MYT1L: variants seen among roughly 807,000 people sequenced by gnomAD.
The protein encoded by MYT1L is myelin transcription factor 1-like protein.
A neutral mutation model predicts 126.7 loss-of-function variants in MYT1L; 12 were observed. That is an observed-to-expected ratio of 0.09 (90% CI 0.06 to 0.15). The LOEUF is 0.15. Among genes scored for constraint, MYT1L ranks in the 10% least tolerant of loss-of-function variants. The pLI is 1.00. For synonymous variants in MYT1L, 541 were observed against 604.2 expected, an observed-to-expected ratio of 0.90 and a Z score of 1.53; for missense variants, 979 against 1,585.2, an observed-to-expected ratio of 0.62 and a Z score of 6.49.
chr2:1,818,212 A>G (rs1278413435), intron 21 of MYT1L, among the ~76,000 whole-genome samples: 3 of 152,184 alleles, frequency 2.0e-5, no homozygotes, highest in Middle Eastern at 3.2e-3. Context: ...GGGAAGAAAA[A>G]TAAGTAATTT....
intron 2 of MYT1L, among the ~76,000 whole-genome samples, chr2:2,255,104 G>T (rs139460009): frequency 6.6e-6 from 1 of 152,172 alleles, no homozygotes; most frequent in Non-Finnish European, 1.5e-5. Context: ...TCTATGGAAA[G>T]AGATAATTTT....
At chr2:1,820,037 G>C (rs1006488417) in intron 21 of MYT1L, among the ~76,000 whole-genome samples, 1 of 152,068 alleles carries the variant, frequency 6.6e-6, no homozygotes, top group African/African-American at 2.4e-5. Context: ...GCAGTGGGGG[G>C]GGGCCAGCGA....
intron 4 of MYT1L, among the ~76,000 whole-genome samples, chr2:2,042,855 C>G (rs937240420): frequency 3.9e-5 from 6 of 152,206 alleles, no homozygotes; most frequent in African/African-American, 1.2e-4. Context: ...AGGCGATAGC[C>G]TCCCAGGCCC....
intron 8 of MYT1L, among the ~76,000 whole-genome samples, chr2:1,967,315 G>A (rs1265244488): frequency 6.6e-6 from 1 of 152,156 alleles, no homozygotes; most frequent in East Asian, 1.9e-4. Flanking sequence ...TTCCCTATGA[G>A]CCCTGTGCTG....
At chr2:2,328,634 T>C (rs1318980712) in intron 1 of MYT1L, among the ~76,000 whole-genome samples, 1 of 152,256 alleles carries the variant, frequency 6.6e-6, no homozygotes, top group Non-Finnish European at 1.5e-5. Flanking sequence ...GCATACTTTC[T>C]ACCTTACTGT....
chr2:2,312,542 G>A (rs952562204), intron 1 of MYT1L, among the ~76,000 whole-genome samples: 2 of 152,160 alleles, frequency 1.3e-5, no homozygotes, highest in Non-Finnish European at 2.9e-5. Context: ...GAACGTGGGA[G>A]GAAGAGCTTG....
At chr2:2,239,781 T>C (rs1202249777) in intron 2 of MYT1L, among the ~76,000 whole-genome samples, 1 of 151,988 alleles carries the variant, frequency 6.6e-6, no homozygotes, top group Admixed American at 6.5e-5. Flanking sequence ...AAAAGGCAGG[T>C]GGGTAATCTG....
chr2:2,027,115 C>T (rs988566509), intron 4 of MYT1L, among the ~76,000 whole-genome samples: 2 of 152,162 alleles, frequency 1.3e-5, no homozygotes, highest in African/African-American at 4.8e-5. Context: ...TGTGAACCCC[C>T]CATCGCCGCT....
intron 8 of MYT1L, among the ~76,000 whole-genome samples, chr2:1,945,211 C>G (rs960901623): frequency 6.6e-6 from 1 of 152,060 alleles, no homozygotes; most frequent in Non-Finnish European, 1.5e-5. Context: ...GGATTTTGAC[C>G]CAGGAAACAG....
chr2:2,006,678 T>C (rs1378333298), intron 4 of MYT1L, among the ~76,000 whole-genome samples: 1 of 152,026 alleles, frequency 6.6e-6, no homozygotes, highest in East Asian at 1.9e-4. Flanking sequence ...TGGGTTCAAG[T>C]GATCCTCCCA....
chr2:1,995,314 A>G (rs1171426864), intron 5 of MYT1L, among the ~76,000 whole-genome samples: 1 of 152,200 alleles, frequency 6.6e-6, no homozygotes, highest in Non-Finnish European at 1.5e-5. Context: ...CTATGTGCCC[A>G]GTGCGGTAGC....
At chr2:2,196,559 T>C (rs1327824068) in intron 2 of MYT1L, among the ~76,000 whole-genome samples, 2 of 151,384 alleles carry the variant, frequency 1.3e-5, no homozygotes, top group African/African-American at 4.8e-5. Flanking sequence ...GTTTATATTA[T>C]ATAACATATA....
intron 5 of MYT1L, among the ~76,000 whole-genome samples, chr2:1,995,444 A>T (rs1194322113): frequency 6.6e-6 from 1 of 152,234 alleles, no homozygotes; most frequent in Non-Finnish European, 1.5e-5. Flanking sequence ...AAAGAAAAAA[A>T]GCATCAACAA....
At chr2:2,005,134 G>A (rs1240096192) in intron 4 of MYT1L, among the ~76,000 whole-genome samples, 2 of 150,094 alleles carry the variant, frequency 1.3e-5, no homozygotes, top group Non-Finnish European at 3.0e-5. Flanking sequence ...TTTCCTGCAT[G>A]CATTCTTTCC....
At chr2:2,272,370 C>T (rs2095281294) in intron 2 of MYT1L, among the ~76,000 whole-genome samples, 1 of 152,206 alleles carries the variant, frequency 6.6e-6, no homozygotes, top group Non-Finnish European at 1.5e-5. Flanking sequence ...TGCCCCCGCC[C>T]TCGCTGAGCC....
In MYT1L at chr2:1,822,281, G is replaced by A. The variant is rs146768038; in HGVS notation, c.3081-13114C>T. 3.9e-5 allele frequency among the ~76,000 whole-genome samples: 6 copies of A among 152,162 alleles called. No individual in the cohort carries two copies. The East Asian group carries it at 1.2e-3, about 29-fold the overall frequency. On this transcript the variant is annotated intron_variant, in intron 21 of 24. Coordinates refer to ENST00000647738, the MANE Select transcript of MYT1L (RefSeq NM_001303052.2). Reference sequence around the variant, plus strand: ...TTTGTGGGTTTATAAGAGGAGAGTGGGTCATTTTAGTAGTGTTTTAAGATT... The same window carrying A: ...TTTGTGGGTTTATAAGAGGAGAGTGAGTCATTTTAGTAGTGTTTTAAGATT...
intron 21 of MYT1L, among the ~76,000 whole-genome samples, chr2:1,812,348 G>T (rs1055362170): frequency 1.3e-5 from 2 of 152,254 alleles, no homozygotes; most frequent in East Asian, 3.9e-4. Context: ...ATTCTTGAGG[G>T]CAAGGATTAA....
intron 21 of MYT1L, among the ~76,000 whole-genome samples, chr2:1,828,882 A>T (rs73913421): frequency 0.043 from 6,600 of 152,270 alleles, 471 homozygotes; most frequent in African/African-American, 0.15. Flanking sequence ...GGTGGACGAG[A>T]CTCTTAAGAT....
rs753912302 is a variant in MYT1L at position 1,979,604 on chromosome 2, C to A, written c.56-50G>T. 1.2e-6 allele frequency: 2 copies of A among 1,605,464 alleles called. No homozygotes were observed. The highest frequency in any genetic ancestry group is 1.7e-6 in the Non-Finnish European group (2 of 1,172,386). ...AAATTTACCATCTATCACAAGCGAC[C>A]CTCTTCCACAGAAAATTACCAAAAG... On this transcript the variant is annotated intron_variant, in intron 6 of 24. Coordinates refer to ENST00000647738, the MANE Select transcript of MYT1L (RefSeq NM_001303052.2). This position sits in a 1 kb window ranked among gnomAD's most constrained non-coding sequence, Gnocchi z 4.0.
Sources: allele counts gnomAD v4.1 joint callset (sites outside exome capture counted in the v4.1 genomes callset), GRCh38; gene constraint gnomAD v4.1.1; non-coding constraint Gnocchi (gnomAD v3.1); transcripts MANE v1.5; gene names NCBI Gene and HGNC (gene_info 2026-07-23, HGNC 2026-07-21).